Variants in CHSY3 observed in about 807,000 individuals in gnomAD.
CHSY3 encodes chondroitin sulfate synthase 3, also known as N-acetylgalactosaminyl-proteoglycan 3-beta-glucuronosyltransferase 3.
A neutral mutation model predicts 67.2 loss-of-function variants in CHSY3; 35 were observed. The ratio of observed to expected loss-of-function variants is 0.52; its 90% CI spans 0.40 to 0.69. The LOEUF (loss-of-function observed/expected upper bound fraction) is 0.69, where lower values mean the gene tolerates loss of function less well. Among genes scored for constraint, CHSY3 ranks in the 30% least tolerant of loss-of-function variants. CHSY3 has a pLI of 0.00. For synonymous variants in CHSY3, 474 were observed against 434.7 expected, an observed-to-expected ratio of 1.09 and a Z score of -1.12; for missense variants, 1,069 against 1,138.5, an observed-to-expected ratio of 0.94 and a Z score of 0.88.
At chr5:130,179,770 T>G (rs1306857952) in intron 2 of CHSY3, among the ~76,000 whole-genome samples, 17 of 152,196 alleles carry the variant, frequency 1.1e-4, no homozygotes. Context: ...ACACTATTTT[T>G]CTTTTTTAGA....
At chr5:130,024,655 G>A (rs542382694) in intron 2 of CHSY3, among the ~76,000 whole-genome samples, 31 of 152,064 alleles carry the variant, frequency 2.0e-4, no homozygotes, top group African/African-American at 3.4e-4. Flanking sequence ...TTTCTTCTGC[G>A]TGCTTAGAGA....
intron 2 of CHSY3, among the ~76,000 whole-genome samples, chr5:129,979,388 T>A (rs1762911221): frequency 6.6e-6 from 1 of 152,114 alleles, no homozygotes. Context: ...CTGTATGATA[T>A]CATAAAGTAT....
chr5:130,052,969 TGAA>T (rs1765411303), intron 2 of CHSY3, among the ~76,000 whole-genome samples: 1 of 152,122 alleles, frequency 6.6e-6, no homozygotes, highest in Non-Finnish European at 1.5e-5. Context: ...TTAATAATTA[TGAA>T]ATACAGCAAA....
chr5:130,002,243 A>T, intron 2 of CHSY3: 1 of 163,102 alleles, frequency 6.1e-6, no homozygotes, highest in Non-Finnish European at 1.3e-5. Context: ...TGCATAGCCC[A>T]GGATCAAAAA....
At chr5:130,100,781 T>C (rs1327236853) in intron 2 of CHSY3, among the ~76,000 whole-genome samples, 2 of 152,220 alleles carry the variant, frequency 1.3e-5, no homozygotes, top group Non-Finnish European at 2.9e-5. Context: ...GGTACGTAAC[T>C]TACACAAGTT....
At chr5:130,181,810 AT>A (rs1417979904) in intron 2 of CHSY3, among the ~76,000 whole-genome samples, 1 of 152,040 alleles carries the variant, frequency 6.6e-6, no homozygotes, top group Non-Finnish European at 1.5e-5. Flanking sequence ...GGCTTCTTTC[AT>A]TTTTTGTGAG....
chr5:130,182,441 A>G (rs1311873799), intron 2 of CHSY3, among the ~76,000 whole-genome samples: 25 of 151,622 alleles, frequency 1.6e-4, no homozygotes, highest in Admixed American at 1.4e-3. Context: ...CTGCTCTGTA[A>G]TTGCCCTTTA....
intron 2 of CHSY3, among the ~76,000 whole-genome samples, chr5:130,159,920 A>G (rs556006160): frequency 2.6e-5 from 4 of 152,314 alleles, no homozygotes; most frequent in African/African-American, 9.6e-5. Flanking sequence ...ATTTCTAACT[A>G]AAAATCCCTA....
At chr5:130,171,213 A>G (rs2149732750) in intron 2 of CHSY3, among the ~76,000 whole-genome samples, 1 of 152,324 alleles carries the variant, frequency 6.6e-6, no homozygotes, top group African/African-American at 2.4e-5. Context: ...ATCTAGCGTT[A>G]TCTTAACTGT....
At chr5:130,097,965 C>A (rs1250032712) in intron 2 of CHSY3, among the ~76,000 whole-genome samples, 1 of 152,052 alleles carries the variant, frequency 6.6e-6, no homozygotes, top group African/African-American at 2.4e-5. Context: ...GATCGCGCCC[C>A]TGCACTCCAG....
intron 2 of CHSY3, among the ~76,000 whole-genome samples, chr5:130,181,116 C>T (rs1314352984): frequency 2.6e-5 from 4 of 151,930 alleles, no homozygotes; most frequent in Non-Finnish European, 5.9e-5. Context: ...TGGGGTCAGT[C>T]GGGGCACACT....
intron 2 of CHSY3, among the ~76,000 whole-genome samples, chr5:129,975,422 A>T (rs1291694305): frequency 6.6e-6 from 1 of 152,172 alleles, no homozygotes; most frequent in Admixed American, 6.5e-5. Flanking sequence ...CAAGTTGAAG[A>T]ACACAAAGCA....
intron 2 of CHSY3, among the ~76,000 whole-genome samples, chr5:130,165,449 C>T (rs1769716646): frequency 6.6e-6 from 1 of 151,992 alleles, no homozygotes; most frequent in Non-Finnish European, 1.5e-5. Flanking sequence ...TTAATTTTAT[C>T]TTTGTTGCTT....
At chr5:130,114,124 T>C (rs902190698) in intron 2 of CHSY3, among the ~76,000 whole-genome samples, 1 of 152,196 alleles carries the variant, frequency 6.6e-6, no homozygotes, top group Non-Finnish European at 1.5e-5. Context: ...TCTCACATAA[T>C]AGTTTATCCA....
chr5:130,067,949 G>A (rs758054168), intron 2 of CHSY3, among the ~76,000 whole-genome samples: 1 of 152,124 alleles, frequency 6.6e-6, no homozygotes, highest in Non-Finnish European at 1.5e-5. Context: ...GTCTATGAAA[G>A]TTTAATGTTT....
At chr5:130,105,452 A>G (rs1232651501) in intron 2 of CHSY3, among the ~76,000 whole-genome samples, 1 of 151,628 alleles carries the variant, frequency 6.6e-6, no homozygotes, top group Non-Finnish European at 1.5e-5. Flanking sequence ...ATATAAAAAG[A>G]TGACAGAGAG....
At chr5:129,955,901 A>G (rs1228369788) in intron 2 of CHSY3, among the ~76,000 whole-genome samples, 4 of 152,184 alleles carry the variant, frequency 2.6e-5, no homozygotes, top group East Asian at 1.9e-4. Context: ...ATAGTATTCC[A>G]TGGTGTACAA....
chr5:130,025,072 A>G (rs1764502460), intron 2 of CHSY3, among the ~76,000 whole-genome samples: 1 of 152,154 alleles, frequency 6.6e-6, no homozygotes, highest in Non-Finnish European at 1.5e-5. Flanking sequence ...GTATTTTCAT[A>G]TAACACATTT....
intron 2 of CHSY3, among the ~76,000 whole-genome samples, chr5:130,023,584 C>T (rs765299670): frequency 4.6e-4 from 70 of 152,080 alleles, no homozygotes; most frequent in Non-Finnish European, 9.7e-4. Flanking sequence ...AACCAAGGTT[C>T]GGTGAGAGCT....
Sources: allele counts gnomAD v4.1 joint callset (sites outside exome capture counted in the v4.1 genomes callset), GRCh38; gene constraint gnomAD v4.1.1; transcripts MANE v1.5; gene names NCBI Gene and HGNC (gene_info 2026-07-23, HGNC 2026-07-21).